The following CENPP variants were observed in gnomAD, a reference collection of about 807,000 sequenced individuals.
CENPP encodes centromere protein P.
CENPP carries 24 observed loss-of-function variants against 35.6 expected under a neutral mutation model. That is an observed-to-expected ratio of 0.67 (90% CI 0.49 to 0.95). CENPP has a LOEUF of 0.95. Ranked by LOEUF, CENPP falls within the 40% of genes least tolerant of loss-of-function variation. The probability of loss-of-function intolerance (pLI) is 0.00; values close to 1 mark genes in which losing one functional copy is unlikely to be tolerated. For synonymous variants in CENPP, 120 were observed against 125.5 expected (o/e 0.96, Z 0.29); for missense variants, 332 against 345.3 (o/e 0.96, Z 0.31).
chr9:92,457,029 T>C, intron 5 of CENPP: 1 of 1,208,930 alleles, frequency 8.3e-7, no homozygotes, highest in Non-Finnish European at 1.0e-6. Context: ...AAAGGAATGG[T>C]CAAGCATGAG....
intron 5 of CENPP, among the ~76,000 whole-genome samples, chr9:92,471,289 C>T (rs373821119): frequency 1.1e-4 from 16 of 151,648 alleles, no homozygotes; most frequent in South Asian, 2.1e-4. Context: ...CTCGGCCTCC[C>T]GGGTTCCAGC....
chr9:92,443,748 C>T (rs541720256), intron 5 of CENPP, among the ~76,000 whole-genome samples: 3 of 152,214 alleles, frequency 2.0e-5, no homozygotes, highest in Admixed American at 6.5e-5. Context: ...CGACCTCCAC[C>T]TCCCTGGTTC....
intron 5 of CENPP, among the ~76,000 whole-genome samples, chr9:92,463,110 C>T (rs1056021774): frequency 3.3e-5 from 5 of 152,168 alleles, no homozygotes; most frequent in South Asian, 2.1e-4. Context: ...ACTTTTGTAC[C>T]GGAATTTCTG....
At chr9:92,460,516 G>A in intron 5 of CENPP, 1 of 1,607,262 alleles carries the variant, frequency 6.2e-7, no homozygotes, top group Non-Finnish European at 8.5e-7. Context: ...AAGTTCCACT[G>A]TTGAAATTTT....
chr9:92,579,761 A>C (rs1209997414), intron 5 of CENPP, among the ~76,000 whole-genome samples: 2 of 129,158 alleles, frequency 1.5e-5, no homozygotes, highest in Non-Finnish European at 3.2e-5. Flanking sequence ...GGACAATTTG[A>C]CTTCCTCTTT....
At chr9:92,475,356 A>T (rs969295102) in intron 5 of CENPP, among the ~76,000 whole-genome samples, 1 of 152,216 alleles carries the variant, frequency 6.6e-6, no homozygotes, top group Non-Finnish European at 1.5e-5. Context: ...AAGCAAATAT[A>T]AAAAATCCAT....
Position 92,466,587 on chromosome 9 carries a change from A to G in CENPP, c.564+86728A>G, listed in dbSNP as rs374932025. ...GGATCAGACCCTTGATCAAGCATAG[A>G]AAGTTACACAATATTAGGAAGTGGA... On this transcript the variant is annotated intron_variant, in intron 5 of 7. Coordinates refer to ENST00000375587, the MANE Select transcript of CENPP (RefSeq NM_001012267.3). 2.0e-5 allele frequency: 32 copies of G among 1,594,790 alleles called. No homozygotes were observed. In the African/African-American group the frequency reaches 3.8e-4, roughly 19 times the overall value.
intron 5 of CENPP, among the ~76,000 whole-genome samples, chr9:92,457,805 T>C (rs1172933179): frequency 6.6e-6 from 1 of 152,174 alleles, no homozygotes; most frequent in Non-Finnish European, 1.5e-5. Flanking sequence ...TACATACATA[T>C]ATACATAAAT....
intron 5 of CENPP, among the ~76,000 whole-genome samples, chr9:92,388,788 C>T (rs142806662): frequency 0.031 from 4,568 of 147,252 alleles, 108 homozygotes; most frequent in South Asian, 0.082. Context: ...GCCAAGATCA[C>T]GCCACTGCAC....
At chr9:92,330,616 A>G (rs1840710294) in intron 1 of CENPP, among the ~76,000 whole-genome samples, 1 of 152,104 alleles carries the variant, frequency 6.6e-6, no homozygotes, top group Admixed American at 6.5e-5. Context: ...CAAAAAAAAA[A>G]TACCATCTAA....
At chr9:92,565,049 A>G (rs1009443212) in intron 5 of CENPP, among the ~76,000 whole-genome samples, 6 of 152,158 alleles carry the variant, frequency 3.9e-5, no homozygotes, top group Non-Finnish European at 5.9e-5. Context: ...TTAAATCACA[A>G]TATATTAGAG....
chr9:92,416,694 G>A (rs1843623151), intron 5 of CENPP: 1 of 1,613,210 alleles, frequency 6.2e-7, no homozygotes, highest in East Asian at 2.2e-5. Flanking sequence ...AATTTGTTGT[G>A]TCCAACACTG....
At chr9:92,403,031 G>A (rs1347229213) in intron 5 of CENPP, among the ~76,000 whole-genome samples, 1 of 151,932 alleles carries the variant, frequency 6.6e-6, no homozygotes, top group Non-Finnish European at 1.5e-5. Flanking sequence ...ATACTGTTTG[G>A]TTACCATAGA....
intron 5 of CENPP, among the ~76,000 whole-genome samples, chr9:92,450,845 A>G (rs1299197201): frequency 2.0e-5 from 3 of 152,218 alleles, no homozygotes; most frequent in Non-Finnish European, 2.9e-5. Context: ...TCTGATGGTC[A>G]GTGATGGTGA....
intron 5 of CENPP, among the ~76,000 whole-genome samples, chr9:92,396,121 AT>A (rs1049294922): frequency 6.6e-6 from 1 of 152,184 alleles, no homozygotes; most frequent in African/African-American, 2.4e-5. Context: ...TAAAAGGATT[AT>A]TCTTTCCCCA....
chr9:92,615,961 G>A lies in CENPP; in HGVS notation c.*2812G>A, dbSNP rs759398242. The A allele has an allele frequency of 1.2e-6, 2 of 1,614,086 alleles. No individual in the cohort carries two copies. Among genetic ancestry groups the A allele is most frequent in the Non-Finnish European group, 1.7e-6 (2 of 1,179,996 alleles). On this transcript the variant is annotated 3_prime_UTR_variant, in exon 8 of 8. Coordinates refer to ENST00000375587, the MANE Select transcript of CENPP (RefSeq NM_001012267.3). ...TCTTGCCGTCCAGTTTATACTGATG[G>A]GGAATGCTCTCGTAGGGCTTGAGGT... is the stretch of plus-strand genomic sequence containing the variant.
intron 5 of CENPP, among the ~76,000 whole-genome samples, chr9:92,564,928 G>A (rs1387184421): frequency 6.6e-6 from 1 of 152,018 alleles, no homozygotes; most frequent in Admixed American, 6.5e-5. Context: ...TCTGCCCTAC[G>A]AAAATGTTTG....
chr9:92,385,865 AAC>A, intron 5 of CENPP: 1 of 1,448,748 alleles, frequency 6.9e-7, no homozygotes, highest in South Asian at 1.2e-5. Flanking sequence ...GGGTAAAGGA[AAC>A]CTAAGTCAGA....
At chr9:92,344,022 C>T (rs1453151325) in intron 3 of CENPP, among the ~76,000 whole-genome samples, 2 of 146,666 alleles carry the variant, frequency 1.4e-5, no homozygotes, top group African/African-American at 5.0e-5. Flanking sequence ...CTAAAGATCT[C>T]TACCCATAAT....
Sources: gnomAD v4.1 joint callset for allele counts (sites outside exome capture counted in the v4.1 genomes callset) on GRCh38, gnomAD v4.1.1 for gene constraint, MANE v1.5 for transcripts, NCBI Gene and HGNC (gene_info 2026-07-23, HGNC 2026-07-21) for gene names.